The following ADAMTSL3 variants were observed in gnomAD, a reference collection of about 807,000 sequenced individuals.
ADAMTSL3 encodes ADAMTS like 3.
Under a neutral mutation model 201.7 loss-of-function variants are expected in ADAMTSL3, and 128 were observed. The observed-to-expected ratio is 0.63, with a 90% CI of 0.55 to 0.73. ADAMTSL3 has a LOEUF of 0.73. ADAMTSL3 is among the 30% of genes least tolerant of loss of function. The pLI is 0.00. For missense variants in ADAMTSL3, 1,990 were observed against 2,119.6 expected (o/e 0.94, Z 1.20); for synonymous variants, 738 against 748.4 (o/e 0.99, Z 0.23).
At chr15:83,943,285 T>C (rs2066597905) in intron 19 of ADAMTSL3, among the ~76,000 whole-genome samples, 1 of 152,166 alleles carries the variant, frequency 6.6e-6, no homozygotes, top group Non-Finnish European at 1.5e-5. Context: ...CATTTCCAGT[T>C]TTTACTCAAT....
At chr15:83,692,104 C>CT (rs1012084680) in intron 2 of ADAMTSL3, among the ~76,000 whole-genome samples, 7 of 147,578 alleles carry the variant, frequency 4.7e-5, no homozygotes, top group Middle Eastern at 3.5e-3. Flanking sequence ...TTGCCTTCTT[C>CT]TTTTTTTTTT....
chr15:83,946,133 CT>C (rs1275205850), intron 19 of ADAMTSL3, among the ~76,000 whole-genome samples: 2 of 152,342 alleles, frequency 1.3e-5, no homozygotes, highest in East Asian at 3.9e-4. Flanking sequence ...TGCTTCTGTC[CT>C]TGCTTCTTTC....
chr15:83,802,337 A>G (rs2063537531), intron 4 of ADAMTSL3, among the ~76,000 whole-genome samples: 1 of 152,164 alleles, frequency 6.6e-6, no homozygotes, highest in Non-Finnish European at 1.5e-5. Flanking sequence ...AAAATAATGG[A>G]CTCAGAAATC....
At chr15:83,856,668 A>C (rs1460279458) in intron 7 of ADAMTSL3, among the ~76,000 whole-genome samples, 1 of 152,172 alleles carries the variant, frequency 6.6e-6, no homozygotes, top group Non-Finnish European at 1.5e-5. Context: ...CCATGACTCA[A>C]TTCTGCCTTT....
intron 23 of ADAMTSL3, among the ~76,000 whole-genome samples, chr15:83,996,503 C>A (rs566990930): frequency 1.3e-5 from 2 of 151,974 alleles, no homozygotes; most frequent in African/African-American, 4.8e-5. Context: ...ATGAGCAGTC[C>A]GGGCGCGGTG....
intron 23 of ADAMTSL3, among the ~76,000 whole-genome samples, chr15:84,008,732 G>A (rs1406525944): frequency 6.6e-6 from 1 of 152,034 alleles, no homozygotes; most frequent in African/African-American, 2.4e-5. Flanking sequence ...AGATTAACAT[G>A]TCCACATGCC....
intron 16 of ADAMTSL3, among the ~76,000 whole-genome samples, chr15:83,917,534 G>T (rs2066059132): frequency 6.6e-6 from 1 of 152,114 alleles, no homozygotes; most frequent in South Asian, 2.1e-4. Context: ...ACATACTCAT[G>T]TACATCCTGG....
intron 15 of ADAMTSL3, among the ~76,000 whole-genome samples, chr15:83,904,211 G>A (rs1000183731): frequency 2.6e-5 from 4 of 151,724 alleles, no homozygotes; most frequent in Non-Finnish European, 4.4e-5. Context: ...CTCTGTGGTC[G>A]CTCTGCAATT....
chr15:84,022,255 G>C (rs1044458792), intron 26 of ADAMTSL3, among the ~76,000 whole-genome samples: 1 of 151,898 alleles, frequency 6.6e-6, no homozygotes, highest in African/African-American at 2.4e-5. Context: ...GACTACTCCA[G>C]GAGTCTTCTG....
chr15:83,823,055 C>T (rs1009834657), intron 6 of ADAMTSL3, among the ~76,000 whole-genome samples: 6 of 151,918 alleles, frequency 3.9e-5, no homozygotes, highest in Admixed American at 2.0e-4. Context: ...ACCAGTCAGG[C>T]GTGGCGGCGC....
At chr15:83,705,911 T>A (rs909275930) in intron 3 of ADAMTSL3, among the ~76,000 whole-genome samples, 3 of 152,102 alleles carry the variant, frequency 2.0e-5, no homozygotes, top group African/African-American at 7.2e-5. Flanking sequence ...TTCAAGTTAC[T>A]TTAAAAGTGA....
chr15:83,893,002 C>T, intron 13 of ADAMTSL3, 114 bp downstream of exon 13: 4 of 1,015,606 alleles, frequency 3.9e-6, no homozygotes, highest in Non-Finnish European at 5.8e-6. Context: ...GGTAAAAGAG[C>T]ATGGTTCCTA....
At chr15:83,695,170 A>G (rs1555431031) in intron 2 of ADAMTSL3, among the ~76,000 whole-genome samples, 3 of 14,756 alleles carry the variant, frequency 2.0e-4, no homozygotes, top group Admixed American at 7.5e-4. Flanking sequence ...GTATGTATGT[A>G]GCATGTGATG....
intron 2 of ADAMTSL3, among the ~76,000 whole-genome samples, chr15:83,680,972 C>CATT (rs549284937): frequency 6.6e-6 from 1 of 152,042 alleles, no homozygotes; most frequent in East Asian, 1.9e-4. Context: ...TTACAGATTA[C>CATT]ATTATTATTA....
intron 2 of ADAMTSL3, among the ~76,000 whole-genome samples, chr15:83,699,576 C>A (rs950474784): frequency 1.3e-5 from 2 of 152,230 alleles, no homozygotes; most frequent in Admixed American, 6.5e-5. Flanking sequence ...CTCCACAAAG[C>A]AGTCAGTGTT....
At chr15:83,906,618 CA>C (rs1567227907) in intron 15 of ADAMTSL3, among the ~76,000 whole-genome samples, 341 of 25,620 alleles carry the variant, frequency 0.013, 10 homozygotes, top group Middle Eastern at 0.1. Context: ...TATAGTGCCA[CA>C]CACCACACAC....
At chr15:83,980,159 T>C (rs1200504761) in intron 20 of ADAMTSL3, among the ~76,000 whole-genome samples, 1 of 152,034 alleles carries the variant, frequency 6.6e-6, no homozygotes, top group East Asian at 1.9e-4. Flanking sequence ...GTCAGAAATA[T>C]GGTCAGAAAA....
intron 23 of ADAMTSL3, among the ~76,000 whole-genome samples, chr15:84,006,301 C>G (rs759542360): frequency 6.6e-6 from 1 of 151,850 alleles, no homozygotes; most frequent in South Asian, 2.1e-4. Context: ...CTTCATTTGT[C>G]GTATATGAAA....
At chr15:84,012,972 C>T (rs868510059) in intron 23 of ADAMTSL3, among the ~76,000 whole-genome samples, 12 of 152,240 alleles carry the variant, frequency 7.9e-5, no homozygotes, top group African/African-American at 2.4e-4. Context: ...AACAAAGCCT[C>T]ACCCCAACCC....
Sources: gnomAD v4.1 joint callset for allele counts (sites outside exome capture counted in the v4.1 genomes callset) on GRCh38, gnomAD v4.1.1 for gene constraint, MANE v1.5 for transcripts, NCBI Gene and HGNC (gene_info 2026-07-23, HGNC 2026-07-21) for gene names.